Variants in WNT9A observed in about 807,000 individuals in gnomAD.
WNT9A encodes Wnt family member 9A, also known as protein Wnt-9a.
Under a neutral mutation model 31.4 loss-of-function variants are expected in WNT9A, and 8 were observed. The observed-to-expected ratio is 0.26, with a 90% CI of 0.15 to 0.46. The LOEUF (loss-of-function observed/expected upper bound fraction) is 0.46. WNT9A is among the 20% of genes least tolerant of loss of function. The pLI, the probability that WNT9A is intolerant of heterozygous loss-of-function variation, is 0.99. For synonymous variants in WNT9A, 236 were observed against 220.1 expected, an observed-to-expected ratio of 1.07 and a Z score of -0.64; for missense variants, 457 against 522.9, an observed-to-expected ratio of 0.87 and a Z score of 1.23.
At chr1:227,944,517 G>A (rs577087874) in intron 1 of WNT9A, among the ~76,000 whole-genome samples, 6 of 152,346 alleles carry the variant, frequency 3.9e-5, no homozygotes, top group Admixed American at 3.3e-4. Context: ...TTTACAGGAC[G>A]TGAGTTACGG....
At chr1:227,927,102 G>A (rs1343348890) in intron 1 of WNT9A, among the ~76,000 whole-genome samples, 1 of 152,164 alleles carries the variant, frequency 6.6e-6, no homozygotes, top group African/African-American at 2.4e-5. Context: ...TGCTTCTTCA[G>A]GATGCTCAGA....
chr1:227,936,658 TTGCTC>T (rs1321087401), intron 1 of WNT9A, among the ~76,000 whole-genome samples: 1 of 151,548 alleles, frequency 6.6e-6, no homozygotes, highest in Non-Finnish European at 1.5e-5. Flanking sequence ...GACATGGTCT[TTGCTC>T]TGTTCAAGCT....
intron 1 of WNT9A, among the ~76,000 whole-genome samples, chr1:227,930,315 G>A (rs181090124): frequency 6.0e-4 from 91 of 152,322 alleles, no homozygotes; most frequent in African/African-American, 2.1e-3. Context: ...GGCTGCATGT[G>A]CATGCGCGTT....
intron 1 of WNT9A, among the ~76,000 whole-genome samples, chr1:227,929,928 C>A (rs1386923671): frequency 2.0e-5 from 3 of 152,236 alleles, no homozygotes; most frequent in African/African-American, 4.8e-5. Flanking sequence ...ATCTGCCACA[C>A]CTTGACCTTG....
intron 1 of WNT9A, among the ~76,000 whole-genome samples, chr1:227,933,852 G>T (rs1408033313): frequency 7.4e-6 from 1 of 134,736 alleles, no homozygotes; most frequent in African/African-American, 3.0e-5. Context: ...TCAGACGCAG[G>T]GCCTGCCATC....
At chr1:227,943,764 CAGG>C (rs1666751243) in intron 1 of WNT9A, among the ~76,000 whole-genome samples, 1 of 152,144 alleles carries the variant, frequency 6.6e-6, no homozygotes, top group Non-Finnish European at 1.5e-5. Context: ...CCCTTGAGCC[CAGG>C]AGTTCAAAAT....
intron 1 of WNT9A, among the ~76,000 whole-genome samples, chr1:227,939,449 AC>A (rs975826004): frequency 8.5e-5 from 13 of 152,066 alleles, no homozygotes; most frequent in Non-Finnish European, 2.9e-5. Flanking sequence ...GGATTGGGCC[AC>A]CCTGGGAGGA....
Position 227,925,342 on chromosome 1 carries a change from G to A in WNT9A, c.273C>T (p.Leu91=), listed in dbSNP as rs773566169. The A allele has an allele frequency of 9.3e-6, 15 of 1,610,552 alleles. No homozygotes were observed. Among genetic ancestry groups the A allele is most frequent in the African/African-American group, 1.3e-5 (1 of 74,868 alleles). Residue 91 remains leucine, a synonymous_variant, in exon 2 of 4, where the codon CTC becomes CTT. Coordinates refer to ENST00000272164, the MANE Select transcript of WNT9A (RefSeq NM_003395.4). This position sits in a 1 kb window ranked among gnomAD's most constrained non-coding sequence, Gnocchi z 6.0. Reference sequence around the variant, plus strand: ...CAAAGCGGAACTGGAACTGGCACTCGAGCGCACTCATGCTCACGGCCTCCA... The same window carrying A: ...CAAAGCGGAACTGGAACTGGCACTCAAGCGCACTCATGCTCACGGCCTCCA... ...TLVEAVSMSA[L]ECQFQFRFER... is the part of the protein sequence containing the mutation.
rs199853943 is a variant in WNT9A at position 227,938,607 on chromosome 1, AC to A, written c.95+9185del. 4.3e-3 allele frequency among the ~76,000 whole-genome samples: 654 copies of A among 151,968 alleles called. 12 individuals are homozygous for A. Among genetic ancestry groups the A allele is most frequent in the East Asian group, 0.029 (152 of 5,180 alleles). ...CAGACACACAACCCCCCACATGCAT[AC>A]ATGTATACACACATGCACATGTCCA... is the stretch of plus-strand genomic sequence containing the variant. On this transcript the variant is annotated intron_variant, in intron 1 of 3. Coordinates refer to ENST00000272164, the MANE Select transcript of WNT9A (RefSeq NM_003395.4).
intron 1 of WNT9A, among the ~76,000 whole-genome samples, chr1:227,944,773 C>T (rs897742457): frequency 1.3e-5 from 2 of 152,204 alleles, no homozygotes; most frequent in Non-Finnish European, 1.5e-5. Flanking sequence ...CCTGGCCTCC[C>T]ACCATCGTGC....
chr1:227,933,819 G>A (rs889973473), intron 1 of WNT9A, among the ~76,000 whole-genome samples: 1 of 152,014 alleles, frequency 6.6e-6, no homozygotes. Context: ...TGAATTCACC[G>A]ATATGGGCAA....
rs1666395808 is a variant in WNT9A, at chr1:227,925,213, G to T, written c.352+50C>A. ...CCTCTTGGGATATGGACAAGGCCTG[G>T]GCTGCCACCTGTCTGGGGCCTTCCT... On this transcript the variant is annotated intron_variant, in intron 2 of 3. Coordinates refer to ENST00000272164, the MANE Select transcript of WNT9A (RefSeq NM_003395.4). This position sits in a 1 kb window ranked among gnomAD's most constrained non-coding sequence, Gnocchi z 6.0. 2 of 1,477,412 alleles carry T rather than the reference G, an allele frequency of 1.4e-6. No homozygotes were observed. The highest frequency in any genetic ancestry group is 2.2e-5 in the Admixed American group (1 of 45,802). 91.5% of individuals were successfully genotyped at this position (1,477,412 alleles called of 1,614,324 possible). A position where few individuals can be genotyped will look rare whatever the true frequency, so the allele number is the denominator to read the frequency against.
intron 1 of WNT9A, among the ~76,000 whole-genome samples, chr1:227,935,672 T>C (rs1363753583): frequency 6.6e-6 from 1 of 150,966 alleles, no homozygotes; most frequent in African/African-American, 2.5e-5. Flanking sequence ...GTTTACCCTC[T>C]TGTCTCATCC....
chr1:227,921,416 T>G lies in WNT9A; in HGVS notation c.*102A>C, dbSNP rs1427209450. 7 of 1,511,788 alleles carry G rather than the reference T, an allele frequency of 4.6e-6. No individual in the cohort carries two copies. The highest frequency in any genetic ancestry group is 5.3e-6 in the Non-Finnish European group (6 of 1,126,952). 93.6% of individuals were successfully genotyped at this position (1,511,788 alleles called of 1,614,324 possible). ...GTGCAATGCCTGTACCCCACGCAGC[T>G]GGGCTGGTCGAGCCCAGGAACTCAG... is the stretch of plus-strand genomic sequence containing the variant. On this transcript the variant is annotated 3_prime_UTR_variant, in exon 4 of 4. Transcript: ENST00000272164.
chr1:227,931,403 C>G (rs1402470124), intron 1 of WNT9A, among the ~76,000 whole-genome samples: 1 of 152,190 alleles, frequency 6.6e-6, no homozygotes, highest in African/African-American at 2.4e-5. Flanking sequence ...GAGTTTGTAT[C>G]AGATGAGAAT....
intron 1 of WNT9A, among the ~76,000 whole-genome samples, chr1:227,929,130 T>C (rs592736): frequency 0.54 from 82,474 of 151,890 alleles, 22,743 homozygotes; most frequent in African/African-American, 0.65. Context: ...TCTTCAAACC[T>C]GTGAGCCGAC....
chr1:227,922,844 C>T (rs1362046437), intron 3 of WNT9A, among the ~76,000 whole-genome samples: 1 of 152,216 alleles, frequency 6.6e-6, no homozygotes, highest in African/African-American at 2.4e-5. Context: ...ACGCCAGCAG[C>T]CCCCAGGAGG....
At position 227,926,292 on chromosome 1, in the gene WNT9A, C is replaced by G. The variant is rs1666419856; in HGVS notation, c.96-773G>C. The stretch of plus-strand genomic sequence containing the variant: ...CACGAGGCCTTGCACCAGTACCCAG[C>G]ACTGAGGACGCATCCCCAACCTCAA... On this transcript the variant is annotated intron_variant, in intron 1 of 3. Transcript: ENST00000272164. The surrounding 1 kb of genome is among the most constrained non-coding windows in gnomAD (Gnocchi z 5.0). Among the ~76,000 whole-genome samples, 1 of 152,136 alleles carries G rather than the reference C, an allele frequency of 6.6e-6. No homozygotes were observed. The highest frequency in any genetic ancestry group is 1.5e-5 in the Non-Finnish European group (1 of 68,030).
chr1:227,941,604 G>A (rs1010741293), intron 1 of WNT9A: 5 of 154,108 alleles, frequency 3.2e-5, no homozygotes, highest in Middle Eastern at 5.3e-4. Context: ...CGACCTCAAG[G>A]GACAGGCGAG....
Sources: gnomAD v4.1 joint callset for allele counts (sites outside exome capture counted in the v4.1 genomes callset) on GRCh38, gnomAD v4.1.1 for gene constraint, Gnocchi (gnomAD v3.1) non-coding constraint, MANE v1.5 for transcripts, NCBI Gene and HGNC (gene_info 2026-07-23, HGNC 2026-07-21) for gene names.